The following SLC9A1 variants were observed in gnomAD, a reference collection of about 807,000 sequenced individuals.
SLC9A1 encodes solute carrier family 9 member A1, also known as sodium/hydrogen exchanger 1.
A neutral mutation model predicts 67.9 loss-of-function variants in SLC9A1; 22 were observed. That is an observed-to-expected ratio of 0.32 (90% CI 0.23 to 0.46). SLC9A1 has a LOEUF of 0.46. Ranked by LOEUF, SLC9A1 falls within the 20% of genes least tolerant of loss-of-function variation. The pLI, the probability that SLC9A1 is intolerant of heterozygous loss-of-function variation, is 1.00. For missense variants in SLC9A1, 686 were observed against 1,094.8 expected (o/e 0.63, Z 5.27); for synonymous variants, 421 against 471.8 (o/e 0.89, Z 1.40).
chr1:27,105,823 T>TTCCAC lies in SLC9A1; in HGVS notation c.1485+57_1485+61dup, dbSNP rs2083180574. The TTCCAC allele has an allele frequency of 2.8e-6, 4 of 1,406,890 alleles. No homozygotes were observed. In the African/African-American group the frequency reaches 4.2e-5, roughly 15 times the overall value. 87.2% of individuals were successfully genotyped at this position (1,406,890 alleles called of 1,614,324 possible). ...TTTCAAATCACACGCTTTCCTCTCT[T>TTCCAC]TCCACGGGAACAGCCTGTGAGGGTC... On this transcript the variant is annotated intron_variant, in intron 5 of 11. Transcript: ENST00000263980.
rs1248827955 is a variant in SLC9A1 at position 27,154,015 on chromosome 1, A to G, written c.320T>C (p.Leu107Pro). 2 of 1,586,638 alleles carry G rather than the reference A, an allele frequency of 1.3e-6. No homozygotes were observed. Among genetic ancestry groups the G allele is most frequent in the Non-Finnish European group, 1.7e-6 (2 of 1,162,492 alleles). ...CATGAGGCAGGCCAGAAGGATCCAG[A>G]GGGAGATCTCGAAGGGGGTGCGCAC... ...THVRTPFEIS[L>P]WILLACLMKI... The change falls in exon 1 of 12, where the codon CTC becomes CCC. Residue 107 changes from leucine to proline, a missense_variant. Transcript: ENST00000263980.
At chr1:27,113,737 G>C (rs938041409) in intron 2 of SLC9A1, 89 bp downstream of exon 2, 26 of 989,164 alleles carry the variant, frequency 2.6e-5, no homozygotes, top group Non-Finnish European at 1.4e-5. Flanking sequence ...TTTTATTACT[G>C]TTATTAGCGG....
chr1:27,148,728 C>G (rs573051629), intron 1 of SLC9A1, among the ~76,000 whole-genome samples: 101 of 152,230 alleles, frequency 6.6e-4, no homozygotes, highest in African/African-American at 2.3e-3. Flanking sequence ...ATGAGAAGTA[C>G]TATTAAACTC....
intron 1 of SLC9A1, among the ~76,000 whole-genome samples, chr1:27,131,977 TAA>T (rs1491150935): frequency 2.8e-3 from 325 of 116,650 alleles, no homozygotes; most frequent in Middle Eastern, 0.014. Context: ...TATATATATA[TAA>T]AATTATGGCT....
At chr1:27,143,959 T>C (rs1386210770) in intron 1 of SLC9A1, among the ~76,000 whole-genome samples, 2 of 152,198 alleles carry the variant, frequency 1.3e-5, no homozygotes, top group Non-Finnish European at 2.9e-5. Flanking sequence ...AGAGAAGTAA[T>C]GAGGGGGACT....
At chr1:27,105,099 C>T (rs2083174759) in intron 5 of SLC9A1, among the ~76,000 whole-genome samples, 1 of 152,214 alleles carries the variant, frequency 6.6e-6, no homozygotes, top group African/African-American at 2.4e-5. Flanking sequence ...GTCAGAGGGA[C>T]ACCAACACAG....
intron 1 of SLC9A1, among the ~76,000 whole-genome samples, chr1:27,146,145 G>C (rs1468289337): frequency 6.6e-6 from 1 of 152,142 alleles, no homozygotes; most frequent in Non-Finnish European, 1.5e-5. Flanking sequence ...GATGACTCAG[G>C]AATAACCCAG....
chr1:27,102,589 C>T (rs370524549), intron 7 of SLC9A1, 31 bp from the exon 8 acceptor site: 2 of 1,609,380 alleles, frequency 1.2e-6, no homozygotes, highest in African/African-American at 2.7e-5. Flanking sequence ...ACGGATGGCG[C>T]CAGCTTCCAG....
Position 27,154,303 on chromosome 1 carries a change from G to T in SLC9A1, c.32C>A (p.Ser11Tyr), listed in dbSNP as rs1384775490. Residue 11 changes from serine to tyrosine, a missense_variant, in exon 1 of 12, where the codon TCT becomes TAT. Around this residue, in one of 7 missense-constraint regions of SLC9A1, gnomAD observed 143 missense variants for 166.7 expected, o/e 0.86. Transcript: ENST00000263980. MVLRSGICGL[S>Y]PHRIFPSLLV... ...TAAGGAAGGGAAGATCCGATGTGGA[G>T]AGAGGCCACAGATGCCAGACCGCAG... The T allele has an allele frequency of 1.2e-6, 2 of 1,605,464 alleles. No homozygotes were observed. Among genetic ancestry groups the T allele is most frequent in the Non-Finnish European group, 1.7e-6 (2 of 1,174,776 alleles).
intron 1 of SLC9A1, among the ~76,000 whole-genome samples, chr1:27,146,428 C>T (rs747687785): frequency 6.6e-6 from 1 of 152,130 alleles, no homozygotes; most frequent in Non-Finnish European, 1.5e-5. Flanking sequence ...GCTCAAAATA[C>T]TAAAGTCTTT....
At chr1:27,122,577 C>T (rs944980648) in intron 1 of SLC9A1, among the ~76,000 whole-genome samples, 1 of 152,144 alleles carries the variant, frequency 6.6e-6, no homozygotes, top group Non-Finnish European at 1.5e-5. Flanking sequence ...AGAGGGTCCC[C>T]TGACCTTCAG....
chr1:27,125,965 C>T (rs189517885), intron 1 of SLC9A1, among the ~76,000 whole-genome samples: 2 of 152,236 alleles, frequency 1.3e-5, no homozygotes, highest in East Asian at 3.9e-4. Context: ...GTCTTTCCAC[C>T]ACACCTGAAT....
In SLC9A1 at chr1:27,106,212, C is replaced by A; in HGVS notation, c.1283-125G>T. On this transcript the variant is annotated intron_variant, in intron 4 of 11. Coordinates refer to ENST00000263980, the MANE Select transcript of SLC9A1 (RefSeq NM_003047.5). The surrounding 1 kb of genome is among the most constrained non-coding windows in gnomAD (Gnocchi z 4.3). Reference sequence around the variant, plus strand: ...CATTACGAAGCCCACCCCGCTCACTCAATTCCTGGGTCCCTCAGCCCAGAG... The same window carrying A: ...CATTACGAAGCCCACCCCGCTCACTAAATTCCTGGGTCCCTCAGCCCAGAG... The A allele has an allele frequency of 1.5e-6, 1 of 667,404 alleles. No individual in the cohort carries two copies. Among genetic ancestry groups the A allele is most frequent in the Non-Finnish European group, 2.6e-6 (1 of 379,204 alleles). The allele number at this position is 667,404 out of a possible 1,614,324, so 41.3% of individuals were successfully genotyped here.
chr1:27,100,769 G>T lies in SLC9A1; in HGVS notation c.2111-125C>A. The T allele has an allele frequency of 1.3e-6, 1 of 762,002 alleles. No individual in the cohort carries two copies. Among genetic ancestry groups the T allele is most frequent in the Non-Finnish European group, 2.2e-6 (1 of 464,248 alleles). 47.2% of individuals were successfully genotyped at this position (762,002 alleles called of 1,614,324 possible). A position where few individuals can be genotyped will look rare whatever the true frequency, so the allele number is the denominator to read the frequency against. On this transcript the variant is annotated intron_variant, in intron 11 of 11. Transcript: ENST00000263980. The surrounding 1 kb of genome is among the most constrained non-coding windows in gnomAD (Gnocchi z 5.6). ...AGCACAGCCGTCCCGGTCCCAACAG[G>T]CCTCAGAAGCAGGCCTCTGCGACCT...
In SLC9A1 at chr1:27,109,923, G is replaced by C; in HGVS notation, c.814-146C>G. The C allele has an allele frequency of 1.0e-6, 1 of 955,816 alleles. No homozygotes were observed. Among genetic ancestry groups the C allele is most frequent in the Non-Finnish European group, 1.6e-6 (1 of 643,674 alleles). 59.2% of individuals were successfully genotyped at this position (955,816 alleles called of 1,614,324 possible). On this transcript the variant is annotated intron_variant, in intron 2 of 11. Coordinates refer to ENST00000263980, the MANE Select transcript of SLC9A1 (RefSeq NM_003047.5). The surrounding 1 kb of genome is among the most constrained non-coding windows in gnomAD (Gnocchi z 5.5). Reference sequence around the variant, plus strand: ...GGTAGCAGAGAAACCCTAGTGCCAAGCAGGTGCTCAAAACCTCAGCCTGGG... The same window carrying C: ...GGTAGCAGAGAAACCCTAGTGCCAACCAGGTGCTCAAAACCTCAGCCTGGG...
chr1:27,149,614 G>C (rs1370962202), intron 1 of SLC9A1, among the ~76,000 whole-genome samples: 1 of 152,186 alleles, frequency 6.6e-6, no homozygotes, highest in Admixed American at 6.5e-5. Flanking sequence ...AAAAGGGGAA[G>C]AATCTGCACG....
In SLC9A1 at chr1:27,106,104, G is replaced by A; in HGVS notation, c.1283-17C>T. The A allele has an allele frequency of 6.4e-7, 1 of 1,568,598 alleles. No individual in the cohort carries two copies. The highest frequency in any genetic ancestry group is 8.8e-7 in the Non-Finnish European group (1 of 1,141,546). On this transcript the variant is annotated splice_polypyrimidine_tract_variant and intron_variant, in intron 4 of 11. Coordinates refer to ENST00000263980, the MANE Select transcript of SLC9A1 (RefSeq NM_003047.5). This position sits in a 1 kb window ranked among gnomAD's most constrained non-coding sequence, Gnocchi z 4.3. Reference sequence around the variant, plus strand: ...CCAGCACCCCTGCAGGGGAAGGCAGGGGGTGATGAGGGTCAGGTCGGGCTG... The same window carrying A: ...CCAGCACCCCTGCAGGGGAAGGCAGAGGGTGATGAGGGTCAGGTCGGGCTG...
chr1:27,100,730 C>T lies in SLC9A1; in HGVS notation c.2111-86G>A. On this transcript the variant is annotated intron_variant, in intron 11 of 11. Transcript: ENST00000263980. This position sits in a 1 kb window ranked among gnomAD's most constrained non-coding sequence, Gnocchi z 5.6. ...CACTCGGCCGCGTCAGTGCCTCCTT[C>T]AGGCCTTCTCATGAGCACAGCCGTC... is the stretch of plus-strand genomic sequence containing the variant. 1 of 1,101,128 alleles carries T rather than the reference C, an allele frequency of 9.1e-7. No homozygotes were observed. Among genetic ancestry groups the T allele is most frequent in the Non-Finnish European group, 1.3e-6 (1 of 759,804 alleles). 68.2% of individuals were successfully genotyped at this position (1,101,128 alleles called of 1,614,324 possible). A position where few individuals can be genotyped will look rare whatever the true frequency, so the allele number is the denominator to read the frequency against.
intron 6 of SLC9A1, among the ~76,000 whole-genome samples, chr1:27,102,975 C>T (rs1420133052): frequency 6.6e-6 from 1 of 152,184 alleles, no homozygotes; most frequent in Non-Finnish European, 1.5e-5. Flanking sequence ...CTAATCCCAC[C>T]TGGGACCTAT....
Sources: allele counts gnomAD v4.1 joint callset (sites outside exome capture counted in the v4.1 genomes callset), GRCh38; gene constraint gnomAD v4.1.1; regional missense constraint gnomAD v4.1.1; non-coding constraint Gnocchi (gnomAD v3.1); transcripts MANE v1.5; gene names NCBI Gene and HGNC (gene_info 2026-07-23, HGNC 2026-07-21).